Variants in SAMD11 observed in about 807,000 individuals in gnomAD.
SAMD11 encodes sterile alpha motif domain-containing protein 11.
In SAMD11, 77 loss-of-function variants were observed where a neutral mutation model predicts 64.4. The ratio of observed to expected loss-of-function variants is 1.20; its 90% CI spans 0.99 to 1.44. The LOEUF (loss-of-function observed/expected upper bound fraction) is 1.44, where lower values mean the gene tolerates loss of function less well. SAMD11 is among the 40% of genes most tolerant of loss of function. The pLI is 0.00. For missense variants in SAMD11, 1,402 were observed against 943.3 expected, an observed-to-expected ratio of 1.49 and a Z score of -6.37; for synonymous variants, 658 against 421.9, an observed-to-expected ratio of 1.56 and a Z score of -6.86.
chr1:933,254 A>C (rs922318662), intron 4 of SAMD11, among the ~76,000 whole-genome samples: 41 of 152,228 alleles, frequency 2.7e-4, no homozygotes, highest in African/African-American at 9.7e-4. Flanking sequence ...TAAAACTGGC[A>C]TAACTGGCTC....
At chr1:928,264 T>G (rs28739566) in intron 2 of SAMD11, among the ~76,000 whole-genome samples, 1 of 151,654 alleles carries the variant, frequency 6.6e-6, no homozygotes, top group African/African-American at 2.4e-5. Flanking sequence ...TGGTGGCGGG[T>G]GCCTGTAGTC....
rs1257723600 is a variant in SAMD11 at position 942,186 on chromosome 1, T to G, written c.1409T>G (p.Val470Gly). 1.4e-6 allele frequency: 2 copies of G among 1,423,768 alleles called. No homozygotes were observed. The highest frequency in any genetic ancestry group is 1.5e-5 in the South Asian group (1 of 65,718). 88.2% of individuals were successfully genotyped at this position (1,423,768 alleles called of 1,614,324 possible). A position where few individuals can be genotyped will look rare whatever the true frequency, so the allele number is the denominator to read the frequency against. Residue 470 changes from valine to glycine, a missense_variant, in exon 9 of 14, where the codon GTC becomes GGC. Coordinates refer to ENST00000616016, the MANE Select transcript of SAMD11 (RefSeq NM_001385641.1). ...PLLSPQNAPH[V>G]ALGPHLRPPF... ...CTGTCGCCGCAGAATGCCCCTCACG[T>G]CGCCCTGGGCCCCCATCTCAGGCCC...
intron 11 of SAMD11, 26 bp from the exon 12 acceptor site, chr1:943,227 C>T (rs753564561): frequency 5.6e-6 from 9 of 1,612,316 alleles, no homozygotes; most frequent in East Asian, 2.2e-5. Flanking sequence ...CCAGCCAGAG[C>T]CCTAGTAACA....
At chr1:935,625 G>C in intron 4 of SAMD11, 147 bp from the exon 5 acceptor site, 1 of 1,096,686 alleles carries the variant, frequency 9.1e-7, no homozygotes, top group Non-Finnish European at 1.3e-6. Context: ...GGCGTCACGG[G>C]CCACATGCCG....
chr1:942,713 C>G lies in SAMD11; in HGVS notation c.1708C>G (p.Leu570Val), dbSNP rs1342711017. The G allele has an allele frequency of 1.4e-6, 2 of 1,454,550 alleles. No homozygotes were observed. Among genetic ancestry groups the G allele is most frequent in the South Asian group, 1.4e-5 (1 of 71,540 alleles). 90.1% of individuals were successfully genotyped at this position (1,454,550 alleles called of 1,614,324 possible). ...LLVLNHGAAP[L>V]LALPPQGPPG... is the part of the protein sequence containing the mutation. ...GGTGCTGAACCACGGCGCGGCGCCA[C>G]TGCTGGCCCTGCCCCCCCAGGGGCC... is the stretch of plus-strand genomic sequence containing the variant. Residue 570 changes from leucine (L) to valine (V), a missense_variant, in exon 11 of 14, where the codon CTG (leucine) becomes GTG (valine). Physicochemically the swap from Leu to Val is conservative, Grantham distance 32. Transcript: ENST00000616016.
Position 935,762 on chromosome 1 carries a change from C to T in SAMD11, c.843-10C>T, listed in dbSNP as rs1433298698. ...CCACGGGGTCAGCTTTTCCCGGTCT[C>T]GTTCTGCAGCCAGGACGGCAACCTT... On this transcript the variant is annotated splice_polypyrimidine_tract_variant and intron_variant, in intron 4 of 13. Transcript: ENST00000616016. 3 of 1,613,080 alleles carry T rather than the reference C, an allele frequency of 1.9e-6. No homozygotes were observed. Among genetic ancestry groups the T allele is most frequent in the Non-Finnish European group, 1.7e-6 (2 of 1,179,728 alleles).
chr1:941,809 C>T (rs1242702981), intron 8 of SAMD11, among the ~76,000 whole-genome samples: 1 of 152,128 alleles, frequency 6.6e-6, no homozygotes, highest in Non-Finnish European at 1.5e-5. Context: ...GCAGCTGCCT[C>T]CACCGCCGCC....
intron 8 of SAMD11, 52 bp downstream of exon 8, chr1:941,358 C>A: frequency 6.9e-7 from 1 of 1,451,190 alleles, no homozygotes; most frequent in Non-Finnish European, 9.1e-7. Flanking sequence ...CGCCCGCACC[C>A]CCGCGCTCTC....
At position 940,986 on chromosome 1, in the gene SAMD11, C is replaced by T. The variant is rs1569907841; in HGVS notation, c.1196-158C>T. ...CTTGTCTGCCGTCTCGGCCCTGTGGCCGCCCATCCTCCTGCCCCGTGCCCG... is the reference window on the plus strand; with the variant it reads ...CTTGTCTGCCGTCTCGGCCCTGTGGTCGCCCATCCTCCTGCCCCGTGCCCG... On this transcript the variant is annotated intron_variant, in intron 7 of 13. Coordinates refer to ENST00000616016, the MANE Select transcript of SAMD11 (RefSeq NM_001385641.1). The T allele has an allele frequency of 1.1e-5, 6 of 566,180 alleles. No homozygotes were observed. In the East Asian group the frequency reaches 2.0e-4, roughly 19 times the overall value. 35.1% of individuals were successfully genotyped at this position (566,180 alleles called of 1,614,324 possible).
rs772694680 is a variant in SAMD11 at position 942,205 on chromosome 1, C to G, written c.1428C>G (p.Leu476=). The change falls in exon 9 of 14, where the codon CTC becomes CTG. Residue 476 remains leucine, a synonymous_variant. Coordinates refer to ENST00000616016, the MANE Select transcript of SAMD11 (RefSeq NM_001385641.1). ...CTCACGTCGCCCTGGGCCCCCATCT[C>G]AGGCCCCCCTTCCTGGGGGTGCCCT... ...NAPHVALGPH[L]RPPFLGVPSA... 5 of 1,369,646 alleles carry G rather than the reference C, an allele frequency of 3.7e-6. No homozygotes were observed. The African/African-American group carries it at 6.0e-5, about 17-fold the overall frequency. 84.8% of individuals were successfully genotyped at this position (1,369,646 alleles called of 1,614,324 possible). A position where few individuals can be genotyped will look rare whatever the true frequency, so the allele number is the denominator to read the frequency against.
chr1:943,594 T>C (rs1053577762), intron 12 of SAMD11, 104 bp from the exon 13 acceptor site: 1 of 1,282,476 alleles, frequency 7.8e-7, no homozygotes, highest in Non-Finnish European at 1.0e-6. Flanking sequence ...GATCACTGTT[T>C]TTAAAAAATT....
chr1:942,372 C>G (rs901581918), intron 9 of SAMD11, 38 bp from the exon 10 acceptor site: 1 of 1,264,390 alleles, frequency 7.9e-7, no homozygotes, highest in Non-Finnish European at 1.1e-6. Flanking sequence ...CGGACCGCCT[C>G]GGACCCCCCG....
rs1281082506 is a variant in SAMD11 at position 944,048 on chromosome 1, C to T, written c.2430C>T (p.Pro810=). 1.9e-6 allele frequency: 3 copies of T among 1,612,686 alleles called. No homozygotes were observed. The highest frequency in any genetic ancestry group is 4.5e-5 in the East Asian group (2 of 44,868). ...TGTCCCCCACGACGGCCACGTCCCC[C>T]TATGGAGGGGGCCACGCCCTTGCCG... ...QPLSPTTATS[P]YGGGHALAGQ... is the part of the protein sequence containing the mutation. The change falls in exon 14 of 14, where the codon CCC becomes CCT. Residue 810 remains proline, a synonymous_variant. Transcript: ENST00000616016.
In SAMD11 at chr1:942,143, C is replaced by T. The variant is rs200195897; in HGVS notation, c.1366C>T (p.Pro456Ser). The change falls in exon 9 of 14, where the codon CCT becomes TCT. Residue 456 changes from proline to serine, a missense_variant. Physicochemically the swap from Pro to Ser is moderately conservative, Grantham distance 74 (BLOSUM62 -1). Coordinates refer to ENST00000616016, the MANE Select transcript of SAMD11 (RefSeq NM_001385641.1). ...AAPSFSEREL[P>S]QPPPLLSPQN... ...TTGCGCTGCCGTCCACAGGGAGCTG[C>T]CTCAGCCGCCCCCCTTGCTGTCGCC... 7 of 1,361,694 alleles carry T rather than the reference C, an allele frequency of 5.1e-6. No homozygotes were observed. The highest frequency in any genetic ancestry group is 1.5e-5 in the African/African-American group (1 of 66,782). 84.4% of individuals were successfully genotyped at this position (1,361,694 alleles called of 1,614,324 possible).
At chr1:930,725 C>T (rs1263583029) in intron 3 of SAMD11, among the ~76,000 whole-genome samples, 5 of 152,240 alleles carry the variant, frequency 3.3e-5, no homozygotes, top group Non-Finnish European at 4.4e-5. Context: ...CCCCCACCTG[C>T]GGTACAACAG....
intron 4 of SAMD11, among the ~76,000 whole-genome samples, chr1:931,707 G>T (rs537569763): frequency 1.3e-5 from 2 of 152,230 alleles, no homozygotes; most frequent in Non-Finnish European, 2.9e-5. Flanking sequence ...TTTGGAGAAG[G>T]TCCCTCTGGA....
intron 4 of SAMD11, among the ~76,000 whole-genome samples, chr1:933,699 C>T (rs958200716): frequency 6.6e-6 from 1 of 151,998 alleles, no homozygotes; most frequent in Non-Finnish European, 1.5e-5. Context: ...CCGATTAATC[C>T]CATAAAGTAC....
chr1:942,010 C>G, intron 8 of SAMD11, 126 bp from the exon 9 acceptor site: 1 of 409,870 alleles, frequency 2.4e-6, no homozygotes, highest in Non-Finnish European at 4.3e-6. Flanking sequence ...CGACCTGGGG[C>G]CGTAACGAGC....
At chr1:932,856 C>A (rs867345125) in intron 4 of SAMD11, among the ~76,000 whole-genome samples, 1 of 152,240 alleles carries the variant, frequency 6.6e-6, no homozygotes, top group Non-Finnish European at 1.5e-5. Flanking sequence ...AGATGCTCCT[C>A]GAGCCATTGT....
Sources: gnomAD v4.1 joint callset for allele counts (sites outside exome capture counted in the v4.1 genomes callset) on GRCh38, gnomAD v4.1.1 for gene constraint, MANE v1.5 for transcripts, NCBI Gene and HGNC (gene_info 2026-07-23, HGNC 2026-07-21) for gene names.